The following PDGFRL variants were observed in gnomAD, a reference collection of about 807,000 sequenced individuals.
PDGFRL encodes the protein platelet derived growth factor receptor like.
A neutral mutation model predicts 37.2 loss-of-function variants in PDGFRL; 46 were observed. The ratio of observed to expected loss-of-function variants is 1.24; its 90% CI spans 0.98 to 1.58. The LOEUF is 1.58. PDGFRL is among the 40% of genes most tolerant of loss of function. PDGFRL has a pLI of 0.00. For synonymous variants in PDGFRL, 251 were observed against 184.3 expected (o/e 1.36, Z -2.93); for missense variants, 692 against 467.6 (o/e 1.48, Z -4.43).
chr8:17,624,346 A>AGT (rs1344190706), intron 3 of PDGFRL, among the ~76,000 whole-genome samples: 1 of 152,240 alleles, frequency 6.6e-6, no homozygotes, highest in Non-Finnish European at 1.5e-5. Flanking sequence ...TTGTGATTAA[A>AGT]TAATTGCCGT....
At chr8:17,587,223 G>A (rs991834391) in intron 1 of PDGFRL, among the ~76,000 whole-genome samples, 1 of 152,124 alleles carries the variant, frequency 6.6e-6, no homozygotes, top group Non-Finnish European at 1.5e-5. Flanking sequence ...GGGGCTATTT[G>A]GTCAAAAGGT....
chr8:17,589,599 A>G lies in PDGFRL; in HGVS notation c.187A>G (p.Lys63Glu). ...CAGGGACTCAGCCAATTCAGCACCA[A>G]AGACGCAGTCTATCATGATGCAAGT... The part of the protein sequence containing the change: ...KDRDSANSAP[K>E]TQSIMMQVLD... Residue 63 changes from lysine (K) to glutamate (E), a missense_variant, in exon 2 of 6, where the codon AAG becomes GAG. By Grantham distance (56) the Lys-to-Glu change is moderately conservative. Coordinates refer to ENST00000251630, the MANE Select transcript of PDGFRL (RefSeq NM_001372073.1). 1 of 1,614,016 alleles carries G rather than the reference A, an allele frequency of 6.2e-7. No individual in the cohort carries two copies. The highest frequency in any genetic ancestry group is 1.3e-5 in the African/African-American group (1 of 75,020).
chr8:17,631,125 G>T (rs1195924613), intron 4 of PDGFRL, among the ~76,000 whole-genome samples: 1 of 152,128 alleles, frequency 6.6e-6, no homozygotes, highest in African/African-American at 2.4e-5. Context: ...GAGCAGTTGC[G>T]TTGCAGAACG....
At chr8:17,639,303 C>T (rs60529693) in intron 5 of PDGFRL, among the ~76,000 whole-genome samples, 3,732 of 152,142 alleles carry the variant, frequency 0.025, 148 homozygotes, top group African/African-American at 0.085. Flanking sequence ...ATTCATCTTG[C>T]TATTTGTTGC....
At chr8:17,621,490 C>T (rs1022104162) in intron 3 of PDGFRL, among the ~76,000 whole-genome samples, 1 of 150,612 alleles carries the variant, frequency 6.6e-6, no homozygotes, top group African/African-American at 2.5e-5. Context: ...GTGGTGGTAA[C>T]AGGATTTCAA....
At chr8:17,641,486 G>T (rs1023890624) in intron 5 of PDGFRL, among the ~76,000 whole-genome samples, 2 of 152,258 alleles carry the variant, frequency 1.3e-5, no homozygotes, top group East Asian at 1.9e-4. Context: ...TTCTATTCCT[G>T]TGTTTCACTT....
At chr8:17,631,514 G>C (rs1484486111) in intron 4 of PDGFRL, among the ~76,000 whole-genome samples, 1 of 152,022 alleles carries the variant, frequency 6.6e-6, no homozygotes, top group African/African-American at 2.4e-5. Flanking sequence ...TCACAGCCCT[G>C]CTCCACCTCC....
At chr8:17,592,592 GA>G (rs1803962635) in intron 2 of PDGFRL, among the ~76,000 whole-genome samples, 1 of 152,130 alleles carries the variant, frequency 6.6e-6, no homozygotes. Context: ...GGGCTCCTGT[GA>G]GATTCTCAAA....
chr8:17,589,626 C>A lies in PDGFRL; in HGVS notation c.214C>A (p.Leu72Met), dbSNP rs771829193. The A allele has an allele frequency of 2.5e-6, 4 of 1,613,946 alleles. No individual in the cohort carries two copies. Among genetic ancestry groups the A allele is most frequent in the Admixed American group, 1.7e-5 (1 of 60,012 alleles). ...GACGCAGTCTATCATGATGCAAGTG[C>A]TGGATAAAGGTCGCTTCCAGAAACC... is the stretch of plus-strand genomic sequence containing the variant. The part of the protein sequence containing the change: ...PKTQSIMMQV[L>M]DKGRFQKPAA... The change falls in exon 2 of 6, where the codon CTG becomes ATG. Residue 72 changes from leucine (L) to methionine (M), a missense_variant. By Grantham distance (15) the Leu-to-Met change is conservative (BLOSUM62 2). Transcript: ENST00000251630.
rs140370204 is a variant in PDGFRL, at chr8:17,589,724, C to G, written c.312C>G (p.Ser104Arg). 31 of 1,612,908 alleles carry G rather than the reference C, an allele frequency of 1.9e-5. No homozygotes were observed. The African/African-American group carries it at 3.2e-4, about 17-fold the overall frequency. ...GTAAAGGGAGTAGAATTGGGTGGAGCTACCCTGCGTATCTGGACACCTTTA... is the reference window on the plus strand; with the variant it reads ...GTAAAGGGAGTAGAATTGGGTGGAGGTACCCTGCGTATCTGGACACCTTTA... ...LRCKGSRIGW[S>R]YPAYLDTFKD... The change falls in exon 2 of 6, where the codon AGC becomes AGG. Residue 104 changes from serine to arginine, a missense_variant. By Grantham distance (110) the Ser-to-Arg change is moderately radical. Coordinates refer to ENST00000251630, the MANE Select transcript of PDGFRL (RefSeq NM_001372073.1).
At chr8:17,597,881 G>A (rs1028219605) in intron 2 of PDGFRL, among the ~76,000 whole-genome samples, 1 of 152,150 alleles carries the variant, frequency 6.6e-6, no homozygotes. Context: ...GTAAGTTAAT[G>A]TGTTGTAACC....
chr8:17,615,191 C>A (rs542454245), intron 2 of PDGFRL, among the ~76,000 whole-genome samples: 2 of 152,156 alleles, frequency 1.3e-5, no homozygotes, highest in African/African-American at 4.8e-5. Context: ...TTCTTGTTTC[C>A]TTTAATTAAT....
At chr8:17,590,946 C>T (rs1382930341) in intron 2 of PDGFRL, among the ~76,000 whole-genome samples, 1 of 147,574 alleles carries the variant, frequency 6.8e-6, no homozygotes, top group Admixed American at 6.8e-5. Flanking sequence ...GCAGTGGTGC[C>T]ATCTTGGCTC....
intron 5 of PDGFRL, among the ~76,000 whole-genome samples, chr8:17,637,518 G>A (rs1317621353): frequency 6.6e-6 from 1 of 152,110 alleles, no homozygotes; most frequent in Admixed American, 6.6e-5. Flanking sequence ...AAACATGTTG[G>A]TCTATAGTTT....
intron 1 of PDGFRL, among the ~76,000 whole-genome samples, chr8:17,579,811 C>T (rs1019704903): frequency 1.3e-5 from 2 of 151,950 alleles, no homozygotes; most frequent in African/African-American, 4.8e-5. Flanking sequence ...TGTTCTTTCT[C>T]CTCATGAAGA....
intron 3 of PDGFRL, among the ~76,000 whole-genome samples, chr8:17,624,636 G>C (rs1024982463): frequency 6.6e-6 from 1 of 152,232 alleles, no homozygotes; most frequent in Non-Finnish European, 1.5e-5. Context: ...GCTGGGTGCA[G>C]TGGCTCATGC....
In PDGFRL at chr8:17,628,749, C is replaced by A. The variant is rs1804789930; in HGVS notation, c.768C>A (p.Ile256=). ...CGGAGGCCGGGGGCAGATCTCAGAT[C>A]TCCGTCAAGTACCAGCTGCTCTATG... The part of the protein sequence containing the change: ...CRAEAGGRSQ[I]SVKYQLLYVA... Residue 256 remains isoleucine (I), a synonymous_variant, in exon 4 of 6, where the codon ATC becomes ATA. Transcript: ENST00000251630. 6.2e-7 allele frequency: 1 copy of A among 1,614,002 alleles called. No homozygotes were observed. The highest frequency in any genetic ancestry group is 1.7e-4 in the Middle Eastern group (1 of 6,052).
intron 2 of PDGFRL, among the ~76,000 whole-genome samples, chr8:17,608,617 A>G (rs761124590): frequency 6.6e-6 from 1 of 152,226 alleles, no homozygotes; most frequent in African/African-American, 2.4e-5. Flanking sequence ...GCTAAATAGC[A>G]TTAACGTTTG....
rs143300538 is a variant in PDGFRL, at chr8:17,613,312, T to A, written c.354-7739T>A. Among the ~76,000 whole-genome samples, 4 of 152,198 alleles carry A rather than the reference T, an allele frequency of 2.6e-5. 1 individual carries two copies. In the East Asian group the frequency reaches 7.7e-4, roughly 29 times the overall value. Reference sequence around the variant, plus strand: ...ATATACGCTTCTCATTTTCTCAGAGTCTAGAGAATATCTGAAGGAGGAAGA... The same window carrying A: ...ATATACGCTTCTCATTTTCTCAGAGACTAGAGAATATCTGAAGGAGGAAGA... On this transcript the variant is annotated intron_variant, in intron 2 of 5. Coordinates refer to ENST00000251630, the MANE Select transcript of PDGFRL (RefSeq NM_001372073.1).
Sources: gnomAD v4.1 joint callset for allele counts (sites outside exome capture counted in the v4.1 genomes callset) on GRCh38, gnomAD v4.1.1 for gene constraint, MANE v1.5 for transcripts, NCBI Gene and HGNC (gene_info 2026-07-23, HGNC 2026-07-21) for gene names.